The following SVEP1 variants were observed in gnomAD, a reference collection of about 807,000 sequenced individuals.
The protein encoded by SVEP1 is sushi, von Willebrand factor type A, EGF and pentraxin domain containing 1.
SVEP1 carries 164 observed loss-of-function variants against 367.3 expected under a neutral mutation model. That is an observed-to-expected ratio of 0.45 (90% CI 0.39 to 0.51). The LOEUF (loss-of-function observed/expected upper bound fraction) is 0.51. SVEP1 is among the 20% of genes least tolerant of loss of function. The pLI is 0.00. For synonymous variants in SVEP1, 1,666 were observed against 1,611.6 expected (o/e 1.03, Z -0.81); for missense variants, 4,117 against 4,425.3 (o/e 0.93, Z 1.98).
chr9:110,553,407 T>C (rs947804450), intron 1 of SVEP1, among the ~76,000 whole-genome samples: 2 of 152,204 alleles, frequency 1.3e-5, no homozygotes, highest in Non-Finnish European at 2.9e-5. Flanking sequence ...GATTAAAAAA[T>C]TTTAATCAGC....
rs1830664517 is a variant in SVEP1 at position 110,579,336 on chromosome 9, G to A, written c.208C>T (p.Arg70Ter). The A allele has an allele frequency of 6.4e-7, 1 of 1,555,412 alleles. No individual in the cohort carries two copies. Among genetic ancestry groups the A allele is most frequent in the Non-Finnish European group, 8.7e-7 (1 of 1,151,056 alleles). Residue 70 changes from arginine (R) to a stop codon, truncating the protein, a stop_gained, in exon 1 of 48, where the codon CGA becomes TGA. Coordinates refer to ENST00000374469, the MANE Select transcript of SVEP1 (RefSeq NM_153366.4). LOFTEE classifies it high-confidence loss of function. This position sits in a 1 kb window ranked among gnomAD's most constrained non-coding sequence, Gnocchi z 5.3. ...RVERLGQAFRRRVRLLRELSE... is the reference protein window; with the variant it reads ...RVERLGQAFR ...AGCTCCCGCAGCAGCCGCACGCGTC[G>A]CCGGAACGCCTGGCCCAGCCGCTCC...
intron 36 of SVEP1, among the ~76,000 whole-genome samples, chr9:110,424,633 A>G (rs190010840): frequency 1.5e-4 from 23 of 152,274 alleles, no homozygotes; most frequent in Middle Eastern, 3.4e-3. Flanking sequence ...CAATGGATAC[A>G]TGGGTGATTT....
In SVEP1 at chr9:110,526,020, C is replaced by T. The variant is rs1441349003; in HGVS notation, c.965-11914G>A. 3.3e-5 allele frequency among the ~76,000 whole-genome samples: 5 copies of T among 152,152 alleles called. No homozygotes were observed. In the East Asian group the frequency reaches 9.6e-4, roughly 29 times the overall value. On this transcript the variant is annotated intron_variant, in intron 3 of 47. Coordinates refer to ENST00000374469, the MANE Select transcript of SVEP1 (RefSeq NM_153366.4). ...AATTAACCTTGACCTAAATCTCAAA[C>T]CTTATACAAAAATTAAGTAAAAATA...
At chr9:110,386,433 A>C (rs1328103314) in intron 42 of SVEP1, among the ~76,000 whole-genome samples, 1 of 152,072 alleles carries the variant, frequency 6.6e-6, no homozygotes, top group East Asian at 1.9e-4. Flanking sequence ...GGGTATATCA[A>C]ATATTCCCTT....
At chr9:110,541,311 A>G (rs1830142225) in intron 3 of SVEP1, among the ~76,000 whole-genome samples, 1 of 152,078 alleles carries the variant, frequency 6.6e-6, no homozygotes, top group Admixed American at 6.6e-5. Flanking sequence ...GCTTAATAAC[A>G]TCTGCTTTCT....
chr9:110,400,585 T>G lies in SVEP1; in HGVS notation c.9822+269A>C, dbSNP rs138031677. ...TTTCACCATGTTGGCCAGACTGGTC[T>G]TGAACTTCTGACCTCAAGTGATCTG... On this transcript the variant is annotated intron_variant, in intron 40 of 47. Coordinates refer to ENST00000374469, the MANE Select transcript of SVEP1 (RefSeq NM_153366.4). Among the ~76,000 whole-genome samples, 467 of 152,318 alleles carry G rather than the reference T, an allele frequency of 3.1e-3. 3 individuals are homozygous for G. The highest frequency in any genetic ancestry group is 0.011 in the African/African-American group (451 of 41,562).
At chr9:110,575,604 A>G (rs1830618326) in intron 1 of SVEP1, among the ~76,000 whole-genome samples, 1 of 152,238 alleles carries the variant, frequency 6.6e-6, no homozygotes, top group Non-Finnish European at 1.5e-5. Flanking sequence ...AAAGCCTTTA[A>G]ACCTTCATAA....
chr9:110,416,912 G>C (rs1028247083), intron 36 of SVEP1, among the ~76,000 whole-genome samples: 12 of 152,008 alleles, frequency 7.9e-5, no homozygotes, highest in African/African-American at 2.7e-4. Context: ...CTAACTATTA[G>C]ATGCTAGTAG....
chr9:110,542,791 T>C (rs1830167557), intron 3 of SVEP1, among the ~76,000 whole-genome samples: 1 of 137,868 alleles, frequency 7.3e-6, no homozygotes, highest in South Asian at 2.4e-4. Flanking sequence ...CATTTTTTCA[T>C]GTGTCTGTTG....
intron 7 of SVEP1, 91 bp from the exon 8 acceptor site, chr9:110,497,024 C>T: frequency 2.6e-6 from 2 of 758,820 alleles, no homozygotes; most frequent in Non-Finnish European, 4.1e-6. Context: ...TATATTAATA[C>T]ACTGTGACAC....
intron 1 of SVEP1, among the ~76,000 whole-genome samples, chr9:110,567,218 T>C (rs1830502959): frequency 6.6e-6 from 1 of 152,162 alleles, no homozygotes; most frequent in African/African-American, 2.4e-5. Flanking sequence ...TAAGATGTGA[T>C]CTTTGTCGTA....
chr9:110,555,221 GAA>G (rs778890052), intron 1 of SVEP1, among the ~76,000 whole-genome samples: 5 of 132,284 alleles, frequency 3.8e-5, no homozygotes, highest in African/African-American at 5.5e-5. Flanking sequence ...GAGAAGTGGG[GAA>G]AAAAAAAAAA....
rs533038496 is a variant in SVEP1, at chr9:110,416,590, T to C, written c.5976-4855A>G. On this transcript the variant is annotated intron_variant, in intron 36 of 47. Transcript: ENST00000374469. The stretch of plus-strand genomic sequence containing the variant: ...AAAAGAGAAAGTGAGAAACAGAAAA[T>C]ATTTGCAGTGAAAATGACTGAGAAT... Among the ~76,000 whole-genome samples, 42 of 151,790 alleles carry C rather than the reference T, an allele frequency of 2.8e-4. No individual in the cohort carries two copies. The South Asian group carries it at 8.3e-3, about 30-fold the overall frequency.
At chr9:110,552,727 A>G (rs1321548271) in intron 1 of SVEP1, among the ~76,000 whole-genome samples, 1 of 152,110 alleles carries the variant, frequency 6.6e-6, no homozygotes, top group Non-Finnish European at 1.5e-5. Context: ...TCACTTGCCC[A>G]CTGCTCACTT....
Position 110,579,614 on chromosome 9 carries a change from G to A in SVEP1, c.-71C>T. The A allele has an allele frequency of 6.2e-6, 9 of 1,453,714 alleles. No homozygotes were observed. The highest frequency in any genetic ancestry group is 1.4e-5 in the South Asian group (1 of 69,658). The allele number at this position is 1,453,714 out of a possible 1,614,324, so 90.1% of individuals were successfully genotyped here. ...GGGCGGGAAGAGGCGCTGGGCGGCCGGACTCGCAGAGGGGCGTGCGCGGAG... is the reference window on the plus strand; with the variant it reads ...GGGCGGGAAGAGGCGCTGGGCGGCCAGACTCGCAGAGGGGCGTGCGCGGAG... On this transcript the variant is annotated 5_prime_UTR_variant, in exon 1 of 48. Transcript: ENST00000374469. The surrounding 1 kb of genome is among the most constrained non-coding windows in gnomAD (Gnocchi z 5.3).
At chr9:110,392,155 C>A (rs10980365) in intron 40 of SVEP1, among the ~76,000 whole-genome samples, 53,428 of 125,194 alleles carry the variant, frequency 0.43, 11,100 homozygotes, top group Middle Eastern at 0.49. Context: ...ATATATATAT[C>A]TCTTCTCTCT....
chr9:110,430,571 G>C, intron 32 of SVEP1, 121 bp from the exon 33 acceptor site: 1 of 995,716 alleles, frequency 1.0e-6, no homozygotes, highest in African/African-American at 1.6e-5. Context: ...AAAACCTCGT[G>C]AAGGGAAATG....
chr9:110,575,907 G>A (rs1432330064), intron 1 of SVEP1, among the ~76,000 whole-genome samples: 1 of 152,104 alleles, frequency 6.6e-6, no homozygotes, highest in Non-Finnish European at 1.5e-5. Flanking sequence ...CTCACTAATA[G>A]GGAAATGCAA....
Position 110,430,256 on chromosome 9 carries a change from T to C in SVEP1, c.5530+18A>G. 4 of 1,602,482 alleles carry C rather than the reference T, an allele frequency of 2.5e-6. No homozygotes were observed. The highest frequency in any genetic ancestry group is 3.4e-6 in the Non-Finnish European group (4 of 1,173,822). ...GGATTGCCAAACATAAGAAACGTGG[T>C]AAATTTACTAAACATACCTTTACAA... On this transcript the variant is annotated intron_variant, in intron 33 of 47. Transcript: ENST00000374469.
Sources: allele counts gnomAD v4.1 joint callset (sites outside exome capture counted in the v4.1 genomes callset), GRCh38; gene constraint gnomAD v4.1.1; non-coding constraint Gnocchi (gnomAD v3.1); transcripts MANE v1.5; gene names NCBI Gene and HGNC (gene_info 2026-07-23, HGNC 2026-07-21).